GKAP1: variants seen among roughly 807,000 people sequenced by gnomAD.
GKAP1 encodes G kinase anchoring protein 1, also known as G kinase-anchoring protein 1.
Under a neutral mutation model 56.7 loss-of-function variants are expected in GKAP1, and 31 were observed. The observed-to-expected ratio is 0.55, with a 90% confidence interval of 0.41 to 0.74. The LOEUF is 0.74. Ranked by LOEUF, GKAP1 falls within the 30% of genes least tolerant of loss-of-function variation. The pLI is 0.00. For synonymous variants in GKAP1, 151 were observed against 138.6 expected (o/e 1.09, Z -0.63); for missense variants, 364 against 402.3 (o/e 0.90, Z 0.82).
intron 4 of GKAP1, among the ~76,000 whole-genome samples, chr9:83,795,601 T>TC: frequency 6.8e-6 from 1 of 147,640 alleles, no homozygotes. Flanking sequence ...TTTTTTTTTT[T>TC]TTTTTTTTGA....
At chr9:83,779,620 C>CATGTATATGTGTATATATATACACATAT (rs1209540143) in intron 7 of GKAP1, among the ~76,000 whole-genome samples, 1 of 146,132 alleles carries the variant, frequency 6.8e-6, no homozygotes, top group African/African-American at 2.6e-5. Context: ...TATACACACA[C>CATGTATATGTGTATATATATACACATAT]ACACACACAC....
At chr9:83,781,738 G>GC (rs1324658709) in intron 6 of GKAP1, among the ~76,000 whole-genome samples, 3 of 151,856 alleles carry the variant, frequency 2.0e-5, no homozygotes, top group Non-Finnish European at 4.4e-5. Context: ...ACATACTGAT[G>GC]TTTTTCTCAA....
At chr9:83,795,156 CAAAAAAAAAAAAAA>C (rs1031439217) in intron 4 of GKAP1, among the ~76,000 whole-genome samples, 1 of 64,492 alleles carries the variant, frequency 1.6e-5, no homozygotes, top group Non-Finnish European at 3.0e-5. Context: ...GACTCCATCT[CAAAAAAAAAAAAAA>C]AAAAAAAAAG....
At chr9:83,779,612 TACACACACACACACAC>T (rs10546262) in intron 7 of GKAP1, among the ~76,000 whole-genome samples, 1 of 127,354 alleles carries the variant, frequency 7.9e-6, no homozygotes, top group Non-Finnish European at 1.7e-5. Flanking sequence ...TATACACATA[TACACACACACACACAC>T]ACACACACAC....
chr9:83,749,428 C>G (rs1289468489), intron 9 of GKAP1, among the ~76,000 whole-genome samples: 1 of 151,896 alleles, frequency 6.6e-6, no homozygotes, highest in Non-Finnish European at 1.5e-5. Flanking sequence ...GGTTTTACCA[C>G]GTTGGCCAGG....
chr9:83,764,697 G>A (rs1280638355), intron 8 of GKAP1, among the ~76,000 whole-genome samples: 1 of 152,196 alleles, frequency 6.6e-6, no homozygotes, highest in Admixed American at 6.5e-5. Context: ...GGTGGTCTCA[G>A]ATGGAGATGA....
intron 4 of GKAP1, among the ~76,000 whole-genome samples, chr9:83,797,721 G>A (rs1024642854): frequency 1.3e-5 from 2 of 152,176 alleles, no homozygotes; most frequent in African/African-American, 4.8e-5. Context: ...CAATCAGTGG[G>A]AGCAGAAGAA....
At chr9:83,800,342 G>GC (rs1564211860) in intron 3 of GKAP1, among the ~76,000 whole-genome samples, 2 of 122,402 alleles carry the variant, frequency 1.6e-5, no homozygotes, top group African/African-American at 5.9e-5. Context: ...TTTTTTTTTT[G>GC]TTTTTTTTTT....
At chr9:83,771,675 A>G (rs1356604916) in intron 7 of GKAP1, among the ~76,000 whole-genome samples, 2 of 152,218 alleles carry the variant, frequency 1.3e-5, no homozygotes, top group Admixed American at 1.3e-4. Context: ...TTAAGAATGC[A>G]TGTGCGATTG....
At chr9:83,765,440 G>A (rs1333267816) in intron 8 of GKAP1, among the ~76,000 whole-genome samples, 3 of 152,180 alleles carry the variant, frequency 2.0e-5, no homozygotes, top group Non-Finnish European at 4.4e-5. Context: ...GTCCCTACTG[G>A]GGCACTGCCT....
chr9:83,795,330 T>C (rs1033341881), intron 4 of GKAP1, among the ~76,000 whole-genome samples: 45 of 152,130 alleles, frequency 3.0e-4, no homozygotes, highest in Admixed American at 2.7e-3. Flanking sequence ...TTTTGATATA[T>C]ACATCTAAGC....
chr9:83,792,290 T>C (rs542644154), intron 4 of GKAP1, among the ~76,000 whole-genome samples: 1 of 152,316 alleles, frequency 6.6e-6, no homozygotes, highest in Non-Finnish European at 1.5e-5. Context: ...GAAAATAAGA[T>C]TGCTTAGTTA....
intron 4 of GKAP1, among the ~76,000 whole-genome samples, chr9:83,794,741 G>A (rs1438573709): frequency 6.6e-6 from 1 of 152,176 alleles, no homozygotes; most frequent in East Asian, 1.9e-4. Context: ...GGAATCAATA[G>A]TATCAGTGCA....
At chr9:83,740,868 C>A (rs983163158) in intron 12 of GKAP1, among the ~76,000 whole-genome samples, 2 of 152,052 alleles carry the variant, frequency 1.3e-5, no homozygotes, top group African/African-American at 4.8e-5. Flanking sequence ...ACCATTTCAA[C>A]ATCAACATTA....
At chr9:83,740,481 C>A (rs1943189009) in intron 12 of GKAP1, among the ~76,000 whole-genome samples, 1 of 152,126 alleles carries the variant, frequency 6.6e-6, no homozygotes, top group African/African-American at 2.4e-5. Context: ...TCAATAGCTA[C>A]TCTACCCCCT....
intron 9 of GKAP1, among the ~76,000 whole-genome samples, chr9:83,752,301 A>G (rs1943403984): frequency 6.6e-6 from 1 of 152,222 alleles, no homozygotes; most frequent in Admixed American, 6.5e-5. Flanking sequence ...CTGTAGTCCC[A>G]GCTACTTGGG....
At chr9:83,767,287 C>T (rs1034900022) in intron 8 of GKAP1, among the ~76,000 whole-genome samples, 2 of 152,046 alleles carry the variant, frequency 1.3e-5, no homozygotes, top group African/African-American at 4.8e-5. Flanking sequence ...GTAGCAGAGG[C>T]TGGCAAACTT....
chr9:83,806,746 T>C (rs1296849982), intron 2 of GKAP1, among the ~76,000 whole-genome samples, 186 bp from the exon 3 acceptor site: 1 of 152,220 alleles, frequency 6.6e-6, no homozygotes, highest in East Asian at 1.9e-4. Flanking sequence ...ATATAACATT[T>C]TACAATAGAA....
At chr9:83,751,228 A>G (rs1027256776) in intron 9 of GKAP1, among the ~76,000 whole-genome samples, 16 of 152,208 alleles carry the variant, frequency 1.1e-4, no homozygotes, top group African/African-American at 3.1e-4. Flanking sequence ...TCTGAATGTC[A>G]GCCACAATGT....
Sources: gnomAD v4.1 joint callset for allele counts (sites outside exome capture counted in the v4.1 genomes callset) on GRCh38, gnomAD v4.1.1 for gene constraint, MANE v1.5 for transcripts, NCBI Gene and HGNC (gene_info 2026-07-23, HGNC 2026-07-21) for gene names.